ADAMTS17: variants seen among roughly 807,000 people sequenced by gnomAD.
ADAMTS17 encodes the protein A disintegrin and metalloproteinase with thrombospondin motifs 17.
Under a neutral mutation model 141.5 loss-of-function variants are expected in ADAMTS17, and 113 were observed. The ratio of observed to expected loss-of-function variants is 0.80; its 90% CI spans 0.69 to 0.93. ADAMTS17 has a LOEUF of 0.93. Ranked by LOEUF, ADAMTS17 falls within the 40% of genes least tolerant of loss-of-function variation. The pLI is 0.00. For missense variants in ADAMTS17, 1,659 were observed against 1,517.9 expected (o/e 1.09, Z -1.54); for synonymous variants, 768 against 630.6 (o/e 1.22, Z -3.27).
intron 15 of ADAMTS17, among the ~76,000 whole-genome samples, chr15:100,082,277 G>A (rs1457370644): frequency 6.6e-6 from 1 of 152,144 alleles, no homozygotes; most frequent in Non-Finnish European, 1.5e-5. Flanking sequence ...TGTTAGCCAG[G>A]ATGGTCTCCA....
chr15:100,150,077 G>C (rs28594732), intron 10 of ADAMTS17, among the ~76,000 whole-genome samples: 259 of 152,234 alleles, frequency 1.7e-3, no homozygotes, highest in African/African-American at 5.9e-3. Flanking sequence ...TGAAACTCTC[G>C]AGGCAAAAGC....
chr15:100,169,729 C>T (rs2040088042), intron 8 of ADAMTS17, among the ~76,000 whole-genome samples: 2 of 152,202 alleles, frequency 1.3e-5, no homozygotes, highest in African/African-American at 4.8e-5. Context: ...GAACTGCATG[C>T]TCGAAACCAG....
chr15:100,225,465 G>T (rs1161240231), intron 7 of ADAMTS17, among the ~76,000 whole-genome samples: 1 of 149,154 alleles, frequency 6.7e-6, no homozygotes, highest in South Asian at 2.2e-4. Context: ...GCCCATTCAT[G>T]CAGTCCTTAC....
At chr15:100,294,265 G>C (rs1432272860) in intron 3 of ADAMTS17, among the ~76,000 whole-genome samples, 3 of 152,202 alleles carry the variant, frequency 2.0e-5, no homozygotes, top group Non-Finnish European at 4.4e-5. Context: ...AACTTGGATT[G>C]CTTTTATGAA....
At chr15:99,984,989 A>C (rs2060556321) in intron 20 of ADAMTS17, among the ~76,000 whole-genome samples, 1 of 152,240 alleles carries the variant, frequency 6.6e-6, no homozygotes, top group Non-Finnish European at 1.5e-5. Flanking sequence ...ACCATTCGGC[A>C]TGGCCCTGCG....
At chr15:100,252,724 G>A (rs984354494) in intron 7 of ADAMTS17, among the ~76,000 whole-genome samples, 1 of 152,194 alleles carries the variant, frequency 6.6e-6, no homozygotes, top group Non-Finnish European at 1.5e-5. Context: ...ATTCCCTCAT[G>A]GAGACAGCCC....
At chr15:100,158,654 T>C (rs1416540952) in intron 8 of ADAMTS17, among the ~76,000 whole-genome samples, 1 of 152,222 alleles carries the variant, frequency 6.6e-6, no homozygotes, top group Non-Finnish European at 1.5e-5. Flanking sequence ...TTGACTATCT[T>C]AGATGCCTTA....
rs531713775 is a variant in ADAMTS17 at position 100,310,894 on chromosome 15, C to T, written c.616+19995G>A. Among the ~76,000 whole-genome samples, 10 of 152,310 alleles carry T rather than the reference C, an allele frequency of 6.6e-5. No individual in the cohort carries two copies. In the South Asian group the frequency reaches 1.0e-3, roughly 16 times the overall value. Reference sequence around the variant, plus strand: ...CCAGCAGGCAAATTCTCTGTCTGGTCGTGCACATGAAATTGCCTGTTGCTT... The same window carrying T: ...CCAGCAGGCAAATTCTCTGTCTGGTTGTGCACATGAAATTGCCTGTTGCTT... On this transcript the variant is annotated intron_variant, in intron 3 of 21. Transcript: ENST00000268070.
At chr15:100,232,948 T>G (rs889784671) in intron 7 of ADAMTS17, among the ~76,000 whole-genome samples, 2 of 152,186 alleles carry the variant, frequency 1.3e-5, no homozygotes. Context: ...ATGTCAGTTT[T>G]TAAAGGGAGA....
chr15:100,262,969 A>G (rs1437167608), intron 4 of ADAMTS17, among the ~76,000 whole-genome samples: 2 of 152,218 alleles, frequency 1.3e-5, no homozygotes, highest in African/African-American at 4.8e-5. Context: ...AAAAATGTAT[A>G]TAAGAGAAAC....
At chr15:99,986,816 C>T (rs2727220) in intron 20 of ADAMTS17, among the ~76,000 whole-genome samples, 16,427 of 152,172 alleles carry the variant, frequency 0.11, 2,749 homozygotes, top group African/African-American at 0.36. Context: ...ATACATAGAC[C>T]CGGCATTCAG....
chr15:100,090,607 G>A (rs565163531), intron 15 of ADAMTS17, among the ~76,000 whole-genome samples: 3 of 152,264 alleles, frequency 2.0e-5, no homozygotes, highest in Admixed American at 1.3e-4. Context: ...AGTTCAGGGC[G>A]GACTCGGTAC....
chr15:100,147,156 G>A lies in ADAMTS17; in HGVS notation c.1473+5456C>T, dbSNP rs370456393. ...ACTTGCTGGTTTTGTGGCTTGGGGG[G>A]CATCATGGAACCTACCGAGATGTGA... On this transcript the variant is annotated intron_variant, in intron 10 of 21. Transcript: ENST00000268070. Among the ~76,000 whole-genome samples, 7 of 151,976 alleles carry A rather than the reference G, an allele frequency of 4.6e-5. No individual in the cohort carries two copies. In the East Asian group the frequency reaches 1.3e-3, roughly 29 times the overall value.
chr15:100,231,487 A>T (rs529614938), intron 7 of ADAMTS17, among the ~76,000 whole-genome samples: 203 of 152,334 alleles, frequency 1.3e-3, no homozygotes, highest in African/African-American at 4.8e-3. Context: ...GACAGGGACC[A>T]TGAATGAGGA....
chr15:100,071,119 T>C lies in ADAMTS17; in HGVS notation c.2138-17065A>G, dbSNP rs1328197541. 1.3e-5 allele frequency among the ~76,000 whole-genome samples: 2 copies of C among 150,320 alleles called. 1 individual carries two copies. Among genetic ancestry groups the C allele is most frequent in the African/African-American group, 4.9e-5 (2 of 40,654 alleles). On this transcript the variant is annotated intron_variant, in intron 15 of 21. Coordinates refer to ENST00000268070, the MANE Select transcript of ADAMTS17 (RefSeq NM_139057.4). ...ATCAGAGATACCATAAACACCTCTA[T>C]GCAAATAAACTAGAAAATCTAGAAG...
intron 20 of ADAMTS17, among the ~76,000 whole-genome samples, chr15:99,983,166 G>A (rs931539618): frequency 3.9e-5 from 6 of 152,164 alleles, no homozygotes; most frequent in Non-Finnish European, 7.3e-5. Context: ...GGCAGTCACC[G>A]TCGCAGCAGG....
At chr15:100,134,999 T>A (rs578100044) in intron 10 of ADAMTS17, among the ~76,000 whole-genome samples, 2 of 152,296 alleles carry the variant, frequency 1.3e-5, no homozygotes, top group Non-Finnish European at 2.9e-5. Flanking sequence ...GAGACTGTGG[T>A]GTCTGTGTGT....
chr15:100,334,125 A>T (rs1596545926), intron 2 of ADAMTS17, among the ~76,000 whole-genome samples: 1 of 152,314 alleles, frequency 6.6e-6, no homozygotes, highest in East Asian at 1.9e-4. Flanking sequence ...ACAGAGTTGT[A>T]AATCAGGCAT....
intron 18 of ADAMTS17, among the ~76,000 whole-genome samples, chr15:100,001,737 A>G (rs2060927089): frequency 6.6e-6 from 1 of 152,066 alleles, no homozygotes; most frequent in Admixed American, 6.5e-5. Flanking sequence ...TTGGGAGGCC[A>G]AGGTGGGTGG....
Sources: gnomAD v4.1 joint callset for allele counts (sites outside exome capture counted in the v4.1 genomes callset) on GRCh38, gnomAD v4.1.1 for gene constraint, MANE v1.5 for transcripts, NCBI Gene and HGNC (gene_info 2026-07-23, HGNC 2026-07-21) for gene names.